The following XPR1 variants were observed in gnomAD, a reference collection of about 807,000 sequenced individuals.
The protein encoded by XPR1 is solute carrier family 53 member 1.
A neutral mutation model predicts 87.5 loss-of-function variants in XPR1; 28 were observed. The observed-to-expected ratio is 0.32, with a 90% confidence interval of 0.24 to 0.44. The LOEUF is 0.44. XPR1 is among the 20% of genes least tolerant of loss of function. The pLI is 1.00. For missense variants in XPR1, 559 were observed against 862.3 expected (o/e 0.65, Z 4.41); for synonymous variants, 300 against 306.1 (o/e 0.98, Z 0.21).
rs538820138 is a variant in XPR1, at chr1:180,792,477, A to C, written c.223+4623A>C. On this transcript the variant is annotated intron_variant, in intron 3 of 14. Transcript: ENST00000367590. ...TATAAAACAAACAGATTGATTCCCA[A>C]CCCTCTAGGGTTCCACATGTTAGGA... 2.6e-4 allele frequency among the ~76,000 whole-genome samples: 40 copies of C among 152,086 alleles called. 1 individual carries two copies. Among genetic ancestry groups the C allele is most frequent in the Non-Finnish European group, 4.9e-4 (33 of 68,006 alleles).
At chr1:180,801,277 C>T (rs1324871352) in intron 3 of XPR1, among the ~76,000 whole-genome samples, 4 of 152,158 alleles carry the variant, frequency 2.6e-5, no homozygotes. Flanking sequence ...TCCTCACTAA[C>T]GTAATTCTGG....
Position 180,652,008 on chromosome 1 carries a change from C to T in XPR1, c.69+19738C>T, listed in dbSNP as rs114043026. The stretch of plus-strand genomic sequence containing the variant: ...CTGTGGCCTATAAAAGTTGAAGTGA[C>T]AGGCCAGGCGTGGTGGCTCACGCCT... On this transcript the variant is annotated intron_variant, in intron 1 of 14. Coordinates refer to ENST00000367590, the MANE Select transcript of XPR1 (RefSeq NM_004736.4). 5.8e-3 allele frequency among the ~76,000 whole-genome samples: 879 copies of T among 152,244 alleles called. 17 individuals carry two copies. The highest frequency in any genetic ancestry group is 0.019 in the African/African-American group (810 of 41,556).
intron 7 of XPR1, among the ~76,000 whole-genome samples, chr1:180,816,040 A>T (rs1021490828): frequency 3.3e-5 from 5 of 152,336 alleles, no homozygotes; most frequent in Admixed American, 1.3e-4. Flanking sequence ...TCTTTAAATT[A>T]TATTACCTCT....
At chr1:180,647,503 C>T (rs991486342) in intron 1 of XPR1, among the ~76,000 whole-genome samples, 1 of 152,150 alleles carries the variant, frequency 6.6e-6, no homozygotes, top group Non-Finnish European at 1.5e-5. Flanking sequence ...TCAAACTAGG[C>T]CAGGCACTTG....
chr1:180,866,540 C>CA (rs35378716), intron 12 of XPR1, among the ~76,000 whole-genome samples: 58,277 of 151,892 alleles, frequency 0.38, 11,399 homozygotes, highest in African/African-American at 0.42. Context: ...CCACATTGGT[C>CA]ATGGTGAATA....
At chr1:180,850,978 A>T in intron 11 of XPR1, among the ~76,000 whole-genome samples, 1 of 138,476 alleles carries the variant, frequency 7.2e-6, no homozygotes, top group African/African-American at 2.7e-5. Context: ...AAAAAAAAAA[A>T]GGATTATAGT....
intron 1 of XPR1, among the ~76,000 whole-genome samples, chr1:180,649,742 TCTG>T (rs1655234191): frequency 6.6e-6 from 1 of 152,188 alleles, no homozygotes; most frequent in African/African-American, 2.4e-5. Flanking sequence ...ATCTCTGCCT[TCTG>T]CTGAGTCTGG....
intron 1 of XPR1, among the ~76,000 whole-genome samples, chr1:180,681,851 A>G (rs941335234): frequency 2.6e-5 from 4 of 152,112 alleles, no homozygotes; most frequent in Non-Finnish European, 1.5e-5. Context: ...TAAAAAAAGT[A>G]TTGAAGATGA....
intron 2 of XPR1, among the ~76,000 whole-genome samples, chr1:180,704,245 G>GATATATATATATAT (rs35751561): frequency 0.1 from 6,776 of 65,274 alleles, 753 homozygotes; most frequent in Non-Finnish European, 0.13. Flanking sequence ...ATAGGTGCTG[G>GATATATATATATAT]ATATATATAT....
intron 2 of XPR1, among the ~76,000 whole-genome samples, chr1:180,703,903 T>C (rs1657452404): frequency 6.6e-6 from 1 of 152,174 alleles, no homozygotes; most frequent in Non-Finnish European, 1.5e-5. Context: ...GCTACCATAC[T>C]GGACAGTACA....
chr1:180,882,176 A>G (rs1337665416), intron 14 of XPR1, among the ~76,000 whole-genome samples: 1 of 152,160 alleles, frequency 6.6e-6, no homozygotes, highest in Non-Finnish European at 1.5e-5. Context: ...ATTCTGTTCC[A>G]TTTCAGGTGT....
At chr1:180,786,640 C>T (rs1457541796) in intron 2 of XPR1, among the ~76,000 whole-genome samples, 1 of 152,130 alleles carries the variant, frequency 6.6e-6, no homozygotes, top group African/African-American at 2.4e-5. Context: ...GAAAGTGGAT[C>T]CAGCCTGCAG....
intron 11 of XPR1, among the ~76,000 whole-genome samples, chr1:180,849,884 A>G (rs1266110510): frequency 6.6e-6 from 1 of 152,212 alleles, no homozygotes; most frequent in Admixed American, 6.5e-5. Flanking sequence ...ATACAGGTAC[A>G]TGCGTGCGCA....
At chr1:180,771,535 A>G (rs1362355468) in intron 2 of XPR1, among the ~76,000 whole-genome samples, 3 of 152,060 alleles carry the variant, frequency 2.0e-5, no homozygotes, top group African/African-American at 7.2e-5. Context: ...TTTTTTCTTC[A>G]TGTCCTTCTT....
chr1:180,704,552 C>T (rs1163104987), intron 2 of XPR1, among the ~76,000 whole-genome samples: 1 of 150,976 alleles, frequency 6.6e-6, no homozygotes, highest in East Asian at 1.9e-4. Flanking sequence ...ACCAGTGAAA[C>T]ATTTTAAGTG....
chr1:180,825,319 C>G lies in XPR1; in HGVS notation c.1109C>G (p.Ser370Cys). ...CCCACCAAAACTTTCTACTATAAAT[C>G]CCGGTTTTGGCTGCTTAAACTGCTG... ...INPTKTFYYK[S>C]RFWLLKLLFR... Residue 370 changes from serine to cysteine, a missense_variant, in exon 9 of 15, where the codon TCC becomes TGC. Ser to Cys is a moderately radical substitution (Grantham distance 112, BLOSUM62 -1). Coordinates refer to ENST00000367590, the MANE Select transcript of XPR1 (RefSeq NM_004736.4). 1 of 1,613,436 alleles carries G rather than the reference C, an allele frequency of 6.2e-7. No homozygotes were observed.
chr1:180,874,462 G>C (rs1024065402), intron 13 of XPR1, among the ~76,000 whole-genome samples: 1 of 152,094 alleles, frequency 6.6e-6, no homozygotes. Flanking sequence ...GGCCGAGGCC[G>C]GTGGATCACC....
At chr1:180,840,995 T>C (rs1651492878) in intron 11 of XPR1, among the ~76,000 whole-genome samples, 1 of 152,186 alleles carries the variant, frequency 6.6e-6, no homozygotes, top group Non-Finnish European at 1.5e-5. Flanking sequence ...CTTAATAATT[T>C]ATAATCTAGT....
chr1:180,746,155 A>G (rs1647240597), intron 2 of XPR1, among the ~76,000 whole-genome samples: 1 of 151,968 alleles, frequency 6.6e-6, no homozygotes, highest in African/African-American at 2.4e-5. Flanking sequence ...TCATGGATGC[A>G]TTGTATAGTG....
Sources: gnomAD v4.1 joint callset for allele counts (sites outside exome capture counted in the v4.1 genomes callset) on GRCh38, gnomAD v4.1.1 for gene constraint, MANE v1.5 for transcripts, NCBI Gene and HGNC (gene_info 2026-07-23, HGNC 2026-07-21) for gene names.